The following TBCA variants were observed in gnomAD, a reference collection of about 807,000 sequenced individuals.
The protein encoded by TBCA is tubulin folding cofactor A.
In TBCA, 6 loss-of-function variants were observed where a neutral mutation model predicts 15.8. That is an observed-to-expected ratio of 0.38 (90% confidence interval 0.21 to 0.75). TBCA has a LOEUF of 0.75. Ranked by LOEUF, TBCA falls within the 30% of genes least tolerant of loss-of-function variation. The pLI is 0.46. For synonymous variants in TBCA, 32 were observed against 42.3 expected, an observed-to-expected ratio of 0.76 and a Z score of 0.94; for missense variants, 90 against 131.2, an observed-to-expected ratio of 0.69 and a Z score of 1.53.
chr5:77,719,008 T>A (rs1325566659), intron 1 of TBCA, among the ~76,000 whole-genome samples: 1 of 152,234 alleles, frequency 6.6e-6, no homozygotes, highest in Non-Finnish European at 1.5e-5. Flanking sequence ...TGAAATTTTG[T>A]CTACTTCGAC....
intron 1 of TBCA, among the ~76,000 whole-genome samples, chr5:77,718,823 T>A (rs1746465163): frequency 6.6e-6 from 1 of 152,110 alleles, no homozygotes; most frequent in South Asian, 2.1e-4. Flanking sequence ...GAATGGAATG[T>A]CTCCTCTCCT....
At chr5:77,761,049 G>A (rs1391718429) in intron 1 of TBCA, among the ~76,000 whole-genome samples, 2 of 152,106 alleles carry the variant, frequency 1.3e-5, no homozygotes, top group Non-Finnish European at 2.9e-5. Flanking sequence ...CCCCGTCTGG[G>A]AAGTGAGGAG....
chr5:77,710,657 C>T (rs938242508), intron 1 of TBCA, among the ~76,000 whole-genome samples: 27 of 152,318 alleles, frequency 1.8e-4, no homozygotes, highest in South Asian at 1.7e-3. Context: ...CCACTACTGG[C>T]TGGAGCTAAG....
At chr5:77,720,041 G>C (rs1746493563) in intron 1 of TBCA, among the ~76,000 whole-genome samples, 1 of 152,086 alleles carries the variant, frequency 6.6e-6, no homozygotes, top group Non-Finnish European at 1.5e-5. Flanking sequence ...AACTGCCTTT[G>C]TAACATCTCT....
chr5:77,758,793 A>G (rs753898009), intron 1 of TBCA, among the ~76,000 whole-genome samples: 2 of 152,184 alleles, frequency 1.3e-5, no homozygotes, highest in African/African-American at 2.4e-5. Flanking sequence ...CCCCCAGGTC[A>G]TTCTCTGCCA....
chr5:77,722,839 AAATAT>A (rs1342315110), intron 1 of TBCA, among the ~76,000 whole-genome samples: 5 of 151,824 alleles, frequency 3.3e-5, no homozygotes, highest in Admixed American at 6.6e-5. Context: ...ATATAAAATA[AAATAT>A]ATTATCAATT....
At chr5:77,762,910 TC>T (rs1336746590) in intron 1 of TBCA, among the ~76,000 whole-genome samples, 1 of 152,180 alleles carries the variant, frequency 6.6e-6, no homozygotes. Flanking sequence ...CCTCACACCC[TC>T]TTTTTTTCTT....
chr5:77,733,052 C>T (rs550913111), intron 1 of TBCA, among the ~76,000 whole-genome samples: 8 of 152,266 alleles, frequency 5.3e-5, no homozygotes, highest in East Asian at 1.9e-4. Context: ...GAGGCTGAGG[C>T]GGGTGGATTG....
chr5:77,708,471 G>A (rs1333117383), intron 1 of TBCA, 124 bp from the exon 2 acceptor site: 2 of 562,952 alleles, frequency 3.6e-6, no homozygotes, highest in Admixed American at 6.2e-5. Flanking sequence ...ATGGGGGGAG[G>A]AAGGAACAGA....
chr5:77,753,466 C>G (rs1163749506), intron 1 of TBCA, among the ~76,000 whole-genome samples: 2 of 152,080 alleles, frequency 1.3e-5, no homozygotes, highest in African/African-American at 4.8e-5. Context: ...TACTTTAAAC[C>G]ATTAATTTAA....
In TBCA at chr5:77,757,977, C is replaced by T. The variant is rs561716161; in HGVS notation, c.53+18228G>A. Among the ~76,000 whole-genome samples the T allele has an allele frequency of 5.9e-5, 9 of 152,206 alleles. No individual in the cohort carries two copies. In the South Asian group the frequency reaches 1.0e-3, roughly 18 times the overall value. On this transcript the variant is annotated intron_variant, in intron 1 of 3. Coordinates refer to ENST00000380377, the MANE Select transcript of TBCA (RefSeq NM_004607.3). ...TCTTGCCTCCTCAGAAGAAAGAATT[C>T]GACTGAGGGGTATAAGGTAGAAAAA... is the stretch of plus-strand genomic sequence containing the variant.
chr5:77,700,495 G>A lies in TBCA; in HGVS notation c.160-7143C>T, dbSNP rs191751681. Among the ~76,000 whole-genome samples, 725 of 152,190 alleles carry A rather than the reference G, an allele frequency of 4.8e-3. 3 individuals are homozygous for A. The highest frequency in any genetic ancestry group is 7.8e-3 in the Non-Finnish European group (528 of 67,994). ...GCCATTATGGAAATGCAAATTAAAA[G>A]CACAATGAGTTATCACTATACAGCT... On this transcript the variant is annotated intron_variant, in intron 2 of 3. Coordinates refer to ENST00000380377, the MANE Select transcript of TBCA (RefSeq NM_004607.3).
intron 2 of TBCA, among the ~76,000 whole-genome samples, chr5:77,697,268 C>G (rs951028108): frequency 6.6e-6 from 1 of 152,190 alleles, no homozygotes; most frequent in Admixed American, 6.5e-5. Flanking sequence ...GTAGAACACT[C>G]TACCTCAGAA....
At chr5:77,725,904 C>T (rs1039046903) in intron 1 of TBCA, among the ~76,000 whole-genome samples, 1 of 152,136 alleles carries the variant, frequency 6.6e-6, no homozygotes, top group African/African-American at 2.4e-5. Context: ...GTCCCTTGAT[C>T]TTAATTTCTT....
At chr5:77,726,940 T>C (rs1017112942) in intron 1 of TBCA, among the ~76,000 whole-genome samples, 6 of 152,162 alleles carry the variant, frequency 3.9e-5, no homozygotes, top group African/African-American at 1.4e-4. Flanking sequence ...CAGGTTATGG[T>C]ATTTCAAGAA....
At chr5:77,748,045 A>C (rs1318384621) in intron 1 of TBCA, among the ~76,000 whole-genome samples, 3 of 152,202 alleles carry the variant, frequency 2.0e-5, no homozygotes, top group Non-Finnish European at 4.4e-5. Flanking sequence ...ACTGTTTACC[A>C]AGCTAACTTA....
At chr5:77,715,955 A>G (rs1280366227) in intron 1 of TBCA, among the ~76,000 whole-genome samples, 1 of 152,180 alleles carries the variant, frequency 6.6e-6, no homozygotes, top group Admixed American at 6.5e-5. Flanking sequence ...CTCTGAATAA[A>G]CGAACAGTAT....
At chr5:77,744,461 C>T (rs972299518) in intron 1 of TBCA, among the ~76,000 whole-genome samples, 1 of 151,432 alleles carries the variant, frequency 6.6e-6, no homozygotes, top group African/African-American at 2.4e-5. Flanking sequence ...CCTCCTCTGA[C>T]CTCATGAAGC....
intron 2 of TBCA, among the ~76,000 whole-genome samples, chr5:77,694,721 A>G (rs1362518254): frequency 3.3e-5 from 5 of 152,236 alleles, no homozygotes; most frequent in Admixed American, 3.3e-4. Flanking sequence ...ATATTTTAAT[A>G]GAAACTTTAA....
Sources: allele counts gnomAD v4.1 joint callset (sites outside exome capture counted in the v4.1 genomes callset), GRCh38; gene constraint gnomAD v4.1.1; transcripts MANE v1.5; gene names NCBI Gene and HGNC (gene_info 2026-07-23, HGNC 2026-07-21).